Variants in GPC6 observed in about 807,000 individuals in gnomAD.
GPC6 encodes the protein glypican 6.
A neutral mutation model predicts 55.2 loss-of-function variants in GPC6; 14 were observed. The ratio of observed to expected loss-of-function variants is 0.25; its 90% CI spans 0.17 to 0.40. The LOEUF (loss-of-function observed/expected upper bound fraction) is 0.40, where lower values mean the gene tolerates loss of function less well. GPC6 is among the 10% of genes least tolerant of loss of function. GPC6 has a pLI of 1.00. For synonymous variants in GPC6, 278 were observed against 259.6 expected, an observed-to-expected ratio of 1.07 and a Z score of -0.68; for missense variants, 641 against 708.5, an observed-to-expected ratio of 0.90 and a Z score of 1.08.
intron 2 of GPC6, among the ~76,000 whole-genome samples, chr13:93,758,145 T>A (rs139114108): frequency 8.0e-4 from 122 of 152,330 alleles, no homozygotes; most frequent in African/African-American, 2.9e-3. Context: ...GCCAATCTGC[T>A]CACATTGCAT....
chr13:94,242,847 T>C (rs1891095311), intron 4 of GPC6, among the ~76,000 whole-genome samples: 1 of 152,074 alleles, frequency 6.6e-6, no homozygotes, highest in African/African-American at 2.4e-5. Context: ...GTTGGGTTTG[T>C]AGTATGTAAG....
At chr13:93,942,793 G>A (rs920994964) in intron 3 of GPC6, among the ~76,000 whole-genome samples, 31 of 152,254 alleles carry the variant, frequency 2.0e-4, no homozygotes, top group Admixed American at 9.8e-4. Context: ...TACACTAATA[G>A]TACATTCAAA....
At chr13:94,144,311 C>G (rs1258866628) in intron 4 of GPC6, among the ~76,000 whole-genome samples, 2 of 151,672 alleles carry the variant, frequency 1.3e-5, no homozygotes, top group Admixed American at 1.3e-4. Context: ...CCAAAATATA[C>G]GCAGTGTGGA....
chr13:93,279,225 T>C (rs1277698963), intron 1 of GPC6, among the ~76,000 whole-genome samples: 1 of 152,162 alleles, frequency 6.6e-6, no homozygotes, highest in African/African-American at 2.4e-5. Context: ...GAACTGCTCA[T>C]TCAGGTGGTT....
At chr13:94,152,027 G>GCAAT (rs1418525190) in intron 4 of GPC6, among the ~76,000 whole-genome samples, 1 of 151,920 alleles carries the variant, frequency 6.6e-6, no homozygotes, top group African/African-American at 2.4e-5. Flanking sequence ...CCATACTAGA[G>GCAAT]CAATCTACAG....
chr13:93,555,585 G>A (rs1875418449), intron 2 of GPC6, among the ~76,000 whole-genome samples: 1 of 152,074 alleles, frequency 6.6e-6, no homozygotes, highest in African/African-American at 2.4e-5. Flanking sequence ...TGGTTCCAGT[G>A]GATTTAATGG....
At chr13:93,824,625 G>T (rs534958353) in intron 2 of GPC6, among the ~76,000 whole-genome samples, 1 of 152,012 alleles carries the variant, frequency 6.6e-6, no homozygotes, top group Admixed American at 6.6e-5. Flanking sequence ...TATTATATGC[G>T]TAGGTACACA....
intron 4 of GPC6, among the ~76,000 whole-genome samples, chr13:94,189,749 C>T (rs976298248): frequency 2.0e-5 from 3 of 152,044 alleles, no homozygotes; most frequent in African/African-American, 7.2e-5. Flanking sequence ...GAGCCAGGCG[C>T]GGTGGCTTAC....
intron 4 of GPC6, among the ~76,000 whole-genome samples, chr13:94,064,258 T>C (rs1233464812): frequency 6.6e-6 from 1 of 152,244 alleles, no homozygotes; most frequent in Non-Finnish European, 1.5e-5. Flanking sequence ...ATCTAAAACA[T>C]ACTTACCTTG....
Position 94,255,979 on chromosome 13 carries a change from T to C in GPC6, c.878-30370T>C, listed in dbSNP as rs541593123. On this transcript the variant is annotated intron_variant, in intron 4 of 8. Coordinates refer to ENST00000377047, the MANE Select transcript of GPC6 (RefSeq NM_005708.5). ...AGGAAATGCAGAATCACAGGTCCCATCGCAGATCACCTGAATCAAAACTTG... is the reference window on the plus strand; with the variant it reads ...AGGAAATGCAGAATCACAGGTCCCACCGCAGATCACCTGAATCAAAACTTG... Among the ~76,000 whole-genome samples the C allele has an allele frequency of 1.1e-4, 16 of 152,178 alleles. No homozygotes were observed. In the South Asian group the frequency reaches 2.3e-3, roughly 22 times the overall value.
intron 4 of GPC6, among the ~76,000 whole-genome samples, chr13:94,254,178 C>T (rs1403447637): frequency 6.6e-6 from 1 of 152,118 alleles, no homozygotes; most frequent in African/African-American, 2.4e-5. Context: ...GTGCCTTTGG[C>T]ATGTACTGGC....
At chr13:93,555,653 G>A (rs1875422556) in intron 2 of GPC6, among the ~76,000 whole-genome samples, 1 of 152,126 alleles carries the variant, frequency 6.6e-6, no homozygotes, top group Admixed American at 6.5e-5. Context: ...AGCAAGTAGA[G>A]GTTCTTATCA....
chr13:93,536,859 T>A (rs1329474153), intron 1 of GPC6, among the ~76,000 whole-genome samples: 1 of 152,210 alleles, frequency 6.6e-6, no homozygotes, highest in African/African-American at 2.4e-5. Context: ...AAGGTATAGA[T>A]TAAAGTTTAT....
intron 3 of GPC6, among the ~76,000 whole-genome samples, chr13:93,836,778 CATA>C (rs1887748381): frequency 6.6e-6 from 1 of 151,850 alleles, no homozygotes; most frequent in Admixed American, 6.6e-5. Flanking sequence ...GACTAGGAAC[CATA>C]ATAACAAAAA....
intron 4 of GPC6, among the ~76,000 whole-genome samples, chr13:94,110,062 TA>T (rs78404632): frequency 0.054 from 4,574 of 84,596 alleles, 228 homozygotes; most frequent in African/African-American, 0.18. Context: ...CACCCTGGAC[TA>T]AAAAAAAAAA....
At chr13:93,219,580 T>C in the GPC6 span, among the ~76,000 whole-genome samples, 1 of 152,182 alleles carries the variant, frequency 6.6e-6, no homozygotes, top group East Asian at 1.9e-4. Flanking sequence ...CATTCAAAAT[T>C]TTCACTCTAA....
chr13:94,195,654 A>G (rs1482906317), intron 4 of GPC6, among the ~76,000 whole-genome samples: 1 of 152,206 alleles, frequency 6.6e-6, no homozygotes, highest in Non-Finnish European at 1.5e-5. Flanking sequence ...AATGCAAATA[A>G]AGAACTCAGT....
intron 1 of GPC6, among the ~76,000 whole-genome samples, chr13:93,290,483 T>A (rs769518965): frequency 6.6e-6 from 1 of 152,084 alleles, no homozygotes; most frequent in African/African-American, 2.4e-5. Context: ...AATCAAACAA[T>A]TTGGTTGAAG....
chr13:93,851,909 A>T (rs1888416150), intron 3 of GPC6, among the ~76,000 whole-genome samples: 1 of 151,738 alleles, frequency 6.6e-6, no homozygotes, highest in African/African-American at 2.4e-5. Flanking sequence ...TGATGTACTT[A>T]CCTGAAGTTT....
Sources: allele counts gnomAD v4.1 joint callset (sites outside exome capture counted in the v4.1 genomes callset), GRCh38; gene constraint gnomAD v4.1.1; transcripts MANE v1.5; gene names NCBI Gene and HGNC (gene_info 2026-07-23, HGNC 2026-07-21).